The following ZNF704 variants were observed in gnomAD, a reference collection of about 807,000 sequenced individuals.
The protein encoded by ZNF704 is zinc finger protein 704.
In ZNF704, 10 loss-of-function variants were observed where a neutral mutation model predicts 44.7. That is an observed-to-expected ratio of 0.22 (90% CI 0.14 to 0.38). The LOEUF is 0.38. Among genes scored for constraint, ZNF704 ranks in the 10% least tolerant of loss-of-function variants. The pLI, the probability that ZNF704 is intolerant of heterozygous loss-of-function variation, is 1.00. For synonymous variants in ZNF704, 211 were observed against 207.6 expected, an observed-to-expected ratio of 1.02 and a Z score of -0.14; for missense variants, 390 against 545.5, an observed-to-expected ratio of 0.71 and a Z score of 2.84.
chr8:80,879,379 G>A (rs1483588106), upstream of ZNF704, among the ~76,000 whole-genome samples: 4 of 152,014 alleles, frequency 2.6e-5, no homozygotes, highest in Non-Finnish European at 4.4e-5. Context: ...TGGGACCACA[G>A]GCATGCAACA....
chr8:80,792,590 C>T (rs1260347150), intron 2 of ZNF704, among the ~76,000 whole-genome samples: 1 of 152,190 alleles, frequency 6.6e-6, no homozygotes. Flanking sequence ...ACTGTGACTC[C>T]TGTCGTGCTA....
In ZNF704 at chr8:80,628,626, T is replaced by C. The variant is rs910287988; in HGVS notation, c.*12740A>G. On this transcript the variant is annotated 3_prime_UTR_variant, in exon 9 of 9. Transcript: ENST00000327835. Reference sequence around the variant, plus strand: ...GCCAGTGCAACCCCAGGTAGAACCATCCACAAAGTAAGTACAGGTCAACAA... The same window carrying C: ...GCCAGTGCAACCCCAGGTAGAACCACCCACAAAGTAAGTACAGGTCAACAA... 6.6e-6 allele frequency: 1 copy of C among 152,242 alleles called. No homozygotes were observed. Among genetic ancestry groups the C allele is most frequent in the Non-Finnish European group, 1.5e-5 (1 of 68,062 alleles). The allele number at this position is 152,242 out of a possible 1,614,324, so 9.4% of individuals were successfully genotyped here.
intron 2 of ZNF704, among the ~76,000 whole-genome samples, chr8:80,708,704 C>T (rs1258384260): frequency 6.6e-6 from 1 of 152,198 alleles, no homozygotes; most frequent in Non-Finnish European, 1.5e-5. Flanking sequence ...ACTGTAATAG[C>T]ATGTTGATTC....
At chr8:80,649,281 C>T (rs1039930666) in intron 7 of ZNF704, among the ~76,000 whole-genome samples, 15 of 152,082 alleles carry the variant, frequency 9.9e-5, no homozygotes, top group Admixed American at 2.0e-4. Flanking sequence ...ACTGAGGTAC[C>T]GGGTTCAACT....
At chr8:80,797,272 C>T (rs1807821913) in intron 2 of ZNF704, among the ~76,000 whole-genome samples, 1 of 152,204 alleles carries the variant, frequency 6.6e-6, no homozygotes, top group Admixed American at 6.5e-5. Flanking sequence ...TGGCCCTGCT[C>T]TCACAGCTCC....
At chr8:80,683,979 C>T (rs138410315) in intron 4 of ZNF704, among the ~76,000 whole-genome samples, 1 of 152,300 alleles carries the variant, frequency 6.6e-6, no homozygotes, top group East Asian at 1.9e-4. Context: ...GCAATGCTCC[C>T]TCCCCTTTTG....
chr8:80,697,037 TA>T (rs1818737692), intron 2 of ZNF704, among the ~76,000 whole-genome samples: 1 of 152,224 alleles, frequency 6.6e-6, no homozygotes, highest in South Asian at 2.1e-4. Context: ...TGTCACTCTA[TA>T]CATGATTTGT....
At chr8:80,777,881 C>CAAAAAA (rs1310505808) in intron 2 of ZNF704, among the ~76,000 whole-genome samples, 1 of 91,462 alleles carries the variant, frequency 1.1e-5, no homozygotes, top group Non-Finnish European at 2.5e-5. Context: ...TGCGACTCAA[C>CAAAAAA]AAAAAAAAAA....
chr8:80,713,624 G>A (rs1819027454), intron 2 of ZNF704, among the ~76,000 whole-genome samples: 1 of 152,216 alleles, frequency 6.6e-6, no homozygotes, highest in Non-Finnish European at 1.5e-5. Flanking sequence ...AGGAAGCAGG[G>A]AGAAGAGAGA....
intron 1 of ZNF704, among the ~76,000 whole-genome samples, chr8:80,869,172 G>C (rs1302986844): frequency 6.6e-6 from 1 of 152,184 alleles, no homozygotes; most frequent in Admixed American, 6.5e-5. Flanking sequence ...GCTGGCCCTG[G>C]TAAGCACTCA....
chr8:80,809,228 T>C (rs954720068), intron 2 of ZNF704, among the ~76,000 whole-genome samples: 2 of 151,908 alleles, frequency 1.3e-5, no homozygotes, highest in Admixed American at 6.6e-5. Flanking sequence ...GAAGTGGAGG[T>C]TGAAGTAAGC....
chr8:80,821,329 C>T lies in ZNF704; in HGVS notation c.221+45G>A, dbSNP rs1355271640. 4.4e-6 allele frequency: 7 copies of T among 1,587,216 alleles called. No individual in the cohort carries two copies. The East Asian group carries it at 1.3e-4, about 30-fold the overall frequency. On this transcript the variant is annotated intron_variant, in intron 2 of 8. Transcript: ENST00000327835. ...TGGCAGAGATTATGCATGCTCTCCA[C>T]CAACTTCCTGGGGCAGACACATGTG...
chr8:80,806,337 C>G (rs975108528), intron 2 of ZNF704, among the ~76,000 whole-genome samples: 2 of 152,106 alleles, frequency 1.3e-5, no homozygotes, highest in Non-Finnish European at 2.9e-5. Context: ...AAAACCTGAC[C>G]TTGGCATCAC....
Position 80,631,742 on chromosome 8 carries a change from T to A in ZNF704, c.*9624A>T, listed in dbSNP as rs1585907898. On this transcript the variant is annotated 3_prime_UTR_variant, in exon 9 of 9. Coordinates refer to ENST00000327835, the MANE Select transcript of ZNF704 (RefSeq NM_001033723.3). ...CTTTTGTGATGAGCGTGGCTGGCTG[T>A]GTGACTAAGCCGCTCTCCTCATGAT... 1 of 152,196 alleles carries A rather than the reference T, an allele frequency of 6.6e-6. No homozygotes were observed. Among genetic ancestry groups the A allele is most frequent in the African/African-American group, 2.4e-5 (1 of 41,458 alleles). 9.4% of individuals were successfully genotyped at this position (152,196 alleles called of 1,614,324 possible).
At chr8:80,769,518 T>G (rs1269468952) in intron 2 of ZNF704, among the ~76,000 whole-genome samples, 2 of 152,126 alleles carry the variant, frequency 1.3e-5, no homozygotes, top group African/African-American at 4.8e-5. Flanking sequence ...CTAAATCATC[T>G]CTCTCAAGTT....
intron 1 of ZNF704, among the ~76,000 whole-genome samples, chr8:80,869,863 C>T (rs887534020): frequency 6.6e-6 from 1 of 152,118 alleles, no homozygotes; most frequent in Non-Finnish European, 1.5e-5. Context: ...AAGTAAGAGG[C>T]CAAGCTAAGG....
intron 2 of ZNF704, among the ~76,000 whole-genome samples, chr8:80,742,755 A>C (rs1585995325): frequency 6.6e-6 from 1 of 152,028 alleles, no homozygotes; most frequent in Admixed American, 6.6e-5. Flanking sequence ...ACCCCTCCCA[A>C]GGACCCCTGC....
chr8:80,854,432 C>T (rs1370258467), intron 1 of ZNF704, among the ~76,000 whole-genome samples: 3 of 152,206 alleles, frequency 2.0e-5, no homozygotes, highest in Non-Finnish European at 2.9e-5. Context: ...TCCTTTCCAA[C>T]TCACTGGGCA....
intron 2 of ZNF704, among the ~76,000 whole-genome samples, chr8:80,738,155 T>C (rs549777918): frequency 6.6e-6 from 1 of 152,308 alleles, no homozygotes; most frequent in Admixed American, 6.5e-5. Flanking sequence ...CATCATACCA[T>C]TTCAGGAGGT....
Sources: gnomAD v4.1 joint callset for allele counts (sites outside exome capture counted in the v4.1 genomes callset) on GRCh38, gnomAD v4.1.1 for gene constraint, MANE v1.5 for transcripts, NCBI Gene and HGNC (gene_info 2026-07-23, HGNC 2026-07-21) for gene names.